MAPKAPK2: variants seen among roughly 807,000 people sequenced by gnomAD.
MAPKAPK2 encodes the protein MAPK activated protein kinase 2.
MAPKAPK2 carries 9 observed loss-of-function variants against 48.8 expected under a neutral mutation model. That is an observed-to-expected ratio of 0.18 (90% CI 0.11 to 0.32). The LOEUF (loss-of-function observed/expected upper bound fraction) is 0.32, where lower values mean the gene tolerates loss of function less well. Ranked by LOEUF, MAPKAPK2 falls within the 10% of genes least tolerant of loss-of-function variation. The pLI, the probability that MAPKAPK2 is intolerant of heterozygous loss-of-function variation, is 1.00. For missense variants in MAPKAPK2, 331 were observed against 498.3 expected (o/e 0.66, Z 3.20); for synonymous variants, 202 against 190.6 (o/e 1.06, Z -0.49).
At chr1:206,729,620 C>T in intron 4 of MAPKAPK2, 145 bp downstream of exon 4, 1 of 743,870 alleles carries the variant, frequency 1.3e-6, no homozygotes, top group Non-Finnish European at 2.3e-6. Context: ...AGGGCCTTGC[C>T]CTCTCTGCCC....
intron 1 of MAPKAPK2, chr1:206,695,992 G>A (rs1672611311): frequency 1.3e-6 from 1 of 757,284 alleles, no homozygotes; most frequent in Non-Finnish European, 2.5e-6. Flanking sequence ...ATGGCTCGGA[G>A]TTCGATGTGT....
intron 1 of MAPKAPK2, among the ~76,000 whole-genome samples, chr1:206,687,259 G>A (rs1375239931): frequency 6.6e-6 from 1 of 152,178 alleles, no homozygotes; most frequent in Non-Finnish European, 1.5e-5. Flanking sequence ...ATAGACACAC[G>A]CACAAAATCA....
chr1:206,688,735 C>T (rs1672362436), intron 1 of MAPKAPK2, among the ~76,000 whole-genome samples: 1 of 152,046 alleles, frequency 6.6e-6, no homozygotes, highest in Non-Finnish European at 1.5e-5. Context: ...CTTCCCAGGT[C>T]CACGCCATTC....
intron 1 of MAPKAPK2, among the ~76,000 whole-genome samples, chr1:206,686,228 C>G (rs551484970): frequency 6.6e-6 from 1 of 152,270 alleles, no homozygotes; most frequent in African/African-American, 2.4e-5. Context: ...TCATTGTGAA[C>G]AGAGTCTGTA....
At chr1:206,692,083 A>G (rs1289751822) in intron 1 of MAPKAPK2, among the ~76,000 whole-genome samples, 1 of 152,220 alleles carries the variant, frequency 6.6e-6, no homozygotes, top group Non-Finnish European at 1.5e-5. Context: ...TTCTCAAGTT[A>G]TGGGGCATTT....
Position 206,732,377 on chromosome 1 carries a change from C to T in MAPKAPK2, c.1060-198C>T. On this transcript the variant is annotated intron_variant, in intron 9 of 9. Transcript: ENST00000367103. This position sits in a 1 kb window ranked among gnomAD's most constrained non-coding sequence, Gnocchi z 4.4. ...GAACAGCAGCAGTGCCATAGCCAGG[C>T]TCTCTGCTGCCCAGCGCTGGGGTGA... The T allele has an allele frequency of 1.4e-6, 2 of 1,448,254 alleles. No homozygotes were observed. Among genetic ancestry groups the T allele is most frequent in the Admixed American group, 2.8e-5 (1 of 35,608 alleles). The allele number at this position is 1,448,254 out of a possible 1,614,324, so 89.7% of individuals were successfully genotyped here.
chr1:206,715,638 T>C (rs1330205837), intron 1 of MAPKAPK2, among the ~76,000 whole-genome samples: 1 of 150,610 alleles, frequency 6.6e-6, no homozygotes, highest in African/African-American at 2.4e-5. Context: ...TCTTTTTTTT[T>C]TTTTTTGAGA....
At chr1:206,728,545 G>A (rs550957451) in intron 1 of MAPKAPK2, among the ~76,000 whole-genome samples, 165 bp from the exon 2 acceptor site, 1 of 150,244 alleles carries the variant, frequency 6.7e-6, no homozygotes, top group South Asian at 2.2e-4. Context: ...GAGCAGATAA[G>A]GAACTGCAGA....
chr1:206,718,038 G>A (rs1673389515), intron 1 of MAPKAPK2, among the ~76,000 whole-genome samples: 1 of 151,894 alleles, frequency 6.6e-6, no homozygotes, highest in Non-Finnish European at 1.5e-5. Flanking sequence ...CAAAACTATA[G>A]AAATGGGATT....
rs1453326964 is a variant in MAPKAPK2 at position 206,685,171 on chromosome 1, A to C, written c.-59A>C. On this transcript the variant is annotated 5_prime_UTR_variant, in exon 1 of 10. Coordinates refer to ENST00000367103, the MANE Select transcript of MAPKAPK2 (RefSeq NM_032960.4). ...GGGGGGCGGCGGGGAGGGGGCCCGGAGCCGGAGGAGGGGGCGGCCGCGGGC... is the reference window on the plus strand; with the variant it reads ...GGGGGGCGGCGGGGAGGGGGCCCGGCGCCGGAGGAGGGGGCGGCCGCGGGC... The C allele has an allele frequency of 7.9e-5, 19 of 241,594 alleles. No homozygotes were observed. The highest frequency in any genetic ancestry group is 9.1e-5 in the Non-Finnish European group (12 of 131,436). 15.0% of individuals were successfully genotyped at this position (241,594 alleles called of 1,614,324 possible).
chr1:206,688,593 C>T (rs1204686547), intron 1 of MAPKAPK2, among the ~76,000 whole-genome samples: 1 of 152,128 alleles, frequency 6.6e-6, no homozygotes. Context: ...TTGATAGGCA[C>T]CTTACTTACT....
At chr1:206,725,603 G>A (rs986979847) in intron 1 of MAPKAPK2, among the ~76,000 whole-genome samples, 1 of 152,302 alleles carries the variant, frequency 6.6e-6, no homozygotes, top group Non-Finnish European at 1.5e-5. Context: ...GGCTCTGAAA[G>A]GTAGACCTCT....
rs192284563 is a variant in MAPKAPK2, at chr1:206,688,790, A to T, written c.279+3282A>T. 2.0e-3 allele frequency among the ~76,000 whole-genome samples: 298 copies of T among 152,120 alleles called. 6 individuals are homozygous for T. The highest frequency in any genetic ancestry group is 2.2e-3 in the Non-Finnish European group (152 of 67,980). ...GCTGGGACTACAGGCGCCCGTCACCATGCCCGGCTAATTTTTTGTATTTTT... is the reference window on the plus strand; with the variant it reads ...GCTGGGACTACAGGCGCCCGTCACCTTGCCCGGCTAATTTTTTGTATTTTT... On this transcript the variant is annotated intron_variant, in intron 1 of 9. Coordinates refer to ENST00000367103, the MANE Select transcript of MAPKAPK2 (RefSeq NM_032960.4).
intron 4 of MAPKAPK2, 84 bp from the exon 5 acceptor site, chr1:206,729,888 A>T (rs1673844170): frequency 6.5e-7 from 1 of 1,549,646 alleles, no homozygotes; most frequent in Non-Finnish European, 8.9e-7. Context: ...GAGTAGAGGA[A>T]GGGAGGAACC....
Position 206,732,258 on chromosome 1 carries a change from T to TG in MAPKAPK2, c.1060-315dup. ...GGCAGTCTGCTCAAGGTCACGCAGCTGGTGACTGGTTGGGGCAGACCGGAC... is the reference window on the plus strand; with the variant it reads ...GGCAGTCTGCTCAAGGTCACGCAGCTGGGTGACTGGTTGGGGCAGACCGGAC... On this transcript the variant is annotated intron_variant, in intron 9 of 9. Transcript: ENST00000367103. The surrounding 1 kb of genome is among the most constrained non-coding windows in gnomAD (Gnocchi z 4.4). 1 of 1,478,260 alleles carries TG rather than the reference T, an allele frequency of 6.8e-7. No homozygotes were observed. The highest frequency in any genetic ancestry group is 9.0e-7 in the Non-Finnish European group (1 of 1,111,990). The allele number at this position is 1,478,260 out of a possible 1,614,324, so 91.6% of individuals were successfully genotyped here.
In MAPKAPK2 at chr1:206,731,301, T is replaced by TGG. The variant is rs1558589718; in HGVS notation, c.892+40_892+41insGG. 3 of 912,806 alleles carry TGG rather than the reference T, an allele frequency of 3.3e-6. No individual in the cohort carries two copies. The Admixed American group carries it at 7.8e-5, about 24-fold the overall frequency. The allele number at this position is 912,806 out of a possible 1,614,324, so 56.5% of individuals were successfully genotyped here. On this transcript the variant is annotated intron_variant, in intron 7 of 9. Transcript: ENST00000367103. This position sits in a 1 kb window ranked among gnomAD's most constrained non-coding sequence, Gnocchi z 5.9. The stretch of plus-strand genomic sequence containing the variant: ...CTTTCAGGACAAGGGGAAGAGCCCG[T>TGG]GTGTGTGTGTGTGTGTGTATGTGTG...
At position 206,685,400 on chromosome 1, in the gene MAPKAPK2, C is replaced by T. The variant is rs374792340; in HGVS notation, c.171C>T (p.Asn57=). 2.3e-5 allele frequency: 35 copies of T among 1,510,532 alleles called. No homozygotes were observed. In the African/African-American group the frequency reaches 4.2e-4, roughly 18 times the overall value. 93.6% of individuals were successfully genotyped at this position (1,510,532 alleles called of 1,614,324 possible). ...AGTCCGGCCTGCAGATCAAGAAGAA[C>T]GCCATCATCGATGACTACAAGGTCA... The part of the protein sequence containing the change: ...HVKSGLQIKK[N]AIIDDYKVTS... Residue 57 remains asparagine, a synonymous_variant, in exon 1 of 10, where the codon AAC becomes AAT. Coordinates refer to ENST00000367103, the MANE Select transcript of MAPKAPK2 (RefSeq NM_032960.4).
intron 1 of MAPKAPK2, among the ~76,000 whole-genome samples, chr1:206,691,982 G>A (rs1672476268): frequency 6.6e-6 from 1 of 152,234 alleles, no homozygotes; most frequent in Admixed American, 6.5e-5. Context: ...AGCAGGGTGT[G>A]CATCTTCTCT....
At position 206,729,032 on chromosome 1, in the gene MAPKAPK2, C is replaced by T. The variant is rs368918090; in HGVS notation, c.420-3C>T. 6.1e-5 allele frequency: 99 copies of T among 1,614,058 alleles called. No homozygotes were observed. The highest frequency in any genetic ancestry group is 7.8e-5 in the Non-Finnish European group (92 of 1,180,030). On this transcript the variant is annotated splice_region_variant and splice_polypyrimidine_tract_variant and intron_variant, in intron 2 of 9. Coordinates refer to ENST00000367103, the MANE Select transcript of MAPKAPK2 (RefSeq NM_032960.4). ...TCTGGATCTCACTGTGGCTTCATTT[C>T]AGTTTGGACGGTGGAGAACTCTTTA...
Sources: gnomAD v4.1 joint callset for allele counts (sites outside exome capture counted in the v4.1 genomes callset) on GRCh38, gnomAD v4.1.1 for gene constraint, Gnocchi (gnomAD v3.1) non-coding constraint, MANE v1.5 for transcripts, NCBI Gene and HGNC (gene_info 2026-07-23, HGNC 2026-07-21) for gene names.